GALK2: variants seen among roughly 807,000 people sequenced by gnomAD.
GALK2 encodes the protein galactokinase 2.
GALK2 carries 36 observed loss-of-function variants against 52.4 expected under a neutral mutation model. The observed-to-expected ratio is 0.69, with a 90% CI of 0.53 to 0.91. The LOEUF (loss-of-function observed/expected upper bound fraction) is 0.91. Among genes scored for constraint, GALK2 ranks in the 40% least tolerant of loss-of-function variants. GALK2 has a pLI of 0.00. For missense variants in GALK2, 579 were observed against 559.1 expected (o/e 1.04, Z -0.36); for synonymous variants, 176 against 199.1 (o/e 0.88, Z 0.98).
intron 5 of GALK2, among the ~76,000 whole-genome samples, chr15:49,279,102 G>C (rs1356712873): frequency 6.6e-6 from 1 of 152,158 alleles, no homozygotes; most frequent in South Asian, 2.1e-4. Context: ...GACACGTAGG[G>C]ATTATGGGGA....
chr15:49,357,941 A>G (rs1035405676), intron 3 of GALK2, among the ~76,000 whole-genome samples: 2 of 152,026 alleles, frequency 1.3e-5, no homozygotes, highest in Non-Finnish European at 2.9e-5. Context: ...ATATACACAA[A>G]TCAATAAATG....
intron 5 of GALK2, among the ~76,000 whole-genome samples, chr15:49,251,429 G>A (rs941422458): frequency 6.6e-6 from 1 of 152,184 alleles, no homozygotes; most frequent in Admixed American, 6.5e-5. Flanking sequence ...GGGAATTAGG[G>A]AAGAGAAATG....
chr15:49,228,437 T>G (rs1262839132), intron 3 of GALK2, among the ~76,000 whole-genome samples: 1 of 151,396 alleles, frequency 6.6e-6, no homozygotes, highest in African/African-American at 2.4e-5. Flanking sequence ...TATATTTGTC[T>G]GACTGTGTTA....
rs1555435385 is a variant in GALK2, at chr15:49,328,598, G to A, written c.*439G>A. 1 of 1,595,508 alleles carries A rather than the reference G, an allele frequency of 6.3e-7. No individual in the cohort carries two copies. Reference sequence around the variant, plus strand: ...ATTCTTCTTCCTCAAAGTTGTAGTTGTCTGTTGATGATGGTGATGATGATG... The same window carrying A: ...ATTCTTCTTCCTCAAAGTTGTAGTTATCTGTTGATGATGGTGATGATGATG... On this transcript the variant is annotated 3_prime_UTR_variant, in exon 10 of 10. Transcript: ENST00000560031.
chr15:49,306,085 G>A (rs2035521728), intron 8 of GALK2, among the ~76,000 whole-genome samples: 1 of 152,100 alleles, frequency 6.6e-6, no homozygotes, highest in Non-Finnish European at 1.5e-5. Context: ...CCTTCAATAG[G>A]AAGTTCGGAG....
intron 3 of GALK2, chr15:49,344,200 AAAG>A (rs1351017428): frequency 3.3e-5 from 5 of 152,326 alleles, no homozygotes; most frequent in African/African-American, 9.6e-5. Context: ...AATGTAATCA[AAAG>A]AAAGAAAATT....
downstream of GALK2, chr15:49,331,952 G>T: frequency 2.8e-6 from 2 of 726,046 alleles, no homozygotes; most frequent in Non-Finnish European, 5.0e-6. Flanking sequence ...CTGGGCATTC[G>T]TCAAGCACTT....
intron 1 of GALK2, among the ~76,000 whole-genome samples, chr15:49,158,560 C>G (rs1208523404): frequency 1.3e-5 from 2 of 152,072 alleles, no homozygotes; most frequent in African/African-American, 4.8e-5. Context: ...TTATTCATAT[C>G]TACATTGTGT....
rs1431286074 is a variant in GALK2, at chr15:49,357,300, G to GT, written c.427-10185dup. 7.5e-3 allele frequency among the ~76,000 whole-genome samples: 1,123 copies of GT among 150,698 alleles called. 12 individuals carry two copies. The highest frequency in any genetic ancestry group is 0.026 in the African/African-American group (1,079 of 40,872). ...AAAAAATTAGTGAATCCAGGAGCTG[G>GT]TTTTTTGAAAGGATCAACAAAATTG... is the stretch of plus-strand genomic sequence containing the variant. On this transcript the variant is annotated intron_variant, in intron 3 of 3. Transcript: ENST00000558399.
At chr15:49,214,291 C>G (rs547997220) in intron 2 of GALK2, among the ~76,000 whole-genome samples, 1 of 151,192 alleles carries the variant, frequency 6.6e-6, no homozygotes, top group South Asian at 2.1e-4. Context: ...ACAAAAAAAC[C>G]CCCCAAAACT....
At chr15:49,197,495 A>C (rs1400560246) in intron 1 of GALK2, among the ~76,000 whole-genome samples, 2 of 152,180 alleles carry the variant, frequency 1.3e-5, no homozygotes, top group African/African-American at 2.4e-5. Flanking sequence ...ACATAATGAG[A>C]TATCTTGGGG....
chr15:49,291,123 T>C (rs938944150), intron 7 of GALK2, among the ~76,000 whole-genome samples: 3 of 152,114 alleles, frequency 2.0e-5, no homozygotes, highest in Non-Finnish European at 4.4e-5. Flanking sequence ...GCCCAGCTAA[T>C]TTTTGTATTT....
intron 2 of GALK2, among the ~76,000 whole-genome samples, chr15:49,212,200 G>A (rs984888781): frequency 1.5e-4 from 23 of 151,972 alleles, no homozygotes; most frequent in Admixed American, 9.2e-4. Flanking sequence ...TCAAGTGATT[G>A]TCCTGCCTCA....
chr15:49,318,839 T>C (rs2036635240), intron 8 of GALK2: 1 of 418,842 alleles, frequency 2.4e-6, no homozygotes, highest in South Asian at 1.7e-5. Context: ...TGTGTGTCCT[T>C]AAGCATGTCA....
At chr15:49,332,090 CACACA>C (rs1567085544), downstream of GALK2, among the ~76,000 whole-genome samples, 15 of 60,920 alleles carry the variant, frequency 2.5e-4, no homozygotes, top group South Asian at 1.2e-3. Flanking sequence ...ACACGTGCCA[CACACA>C]CACACACACA....
At chr15:49,201,033 T>C (rs951528421) in intron 1 of GALK2, 129 bp from the exon 2 acceptor site, 12 of 466,186 alleles carry the variant, frequency 2.6e-5, no homozygotes, top group Non-Finnish European at 4.5e-5. Context: ...AAGGAATAAT[T>C]AATGGTGGCA....
intron 3 of GALK2, chr15:49,365,932 AT>A (rs2045098028): frequency 1.0e-6 from 1 of 958,942 alleles, no homozygotes; most frequent in Non-Finnish European, 1.7e-6. Context: ...TATGCAGAAA[AT>A]TGCTATCATA....
chr15:49,167,078 T>C (rs532879918), upstream of GALK2, among the ~76,000 whole-genome samples: 12 of 152,342 alleles, frequency 7.9e-5, no homozygotes, highest in East Asian at 1.9e-3. Context: ...ACTCATATTT[T>C]GGATCAAGTT....
At chr15:49,338,913 TC>T (rs1173896862) in intron 3 of GALK2, among the ~76,000 whole-genome samples, 1 of 152,210 alleles carries the variant, frequency 6.6e-6, no homozygotes, top group Non-Finnish European at 1.5e-5. Flanking sequence ...TACCGCTTGA[TC>T]AATTCAGCTA....
Sources: gnomAD v4.1 joint callset for allele counts (sites outside exome capture counted in the v4.1 genomes callset) on GRCh38, gnomAD v4.1.1 for gene constraint, MANE v1.5 for transcripts, NCBI Gene and HGNC (gene_info 2026-07-23, HGNC 2026-07-21) for gene names.